ANKHD1: variants seen among roughly 807,000 people sequenced by gnomAD.
ANKHD1 encodes the protein ankyrin repeat and KH domain-containing protein 1.
Under a neutral mutation model 230.5 loss-of-function variants are expected in ANKHD1, and 31 were observed. The observed-to-expected ratio is 0.13, with a 90% CI of 0.10 to 0.18. The LOEUF (loss-of-function observed/expected upper bound fraction) is 0.18. ANKHD1 is among the 10% of genes least tolerant of loss of function. ANKHD1 has a pLI of 1.00. For synonymous variants in ANKHD1, 1,074 were observed against 1,117.6 expected, an observed-to-expected ratio of 0.96 and a Z score of 0.78; for missense variants, 2,256 against 3,071.3, an observed-to-expected ratio of 0.73 and a Z score of 6.27.
chr5:140,496,456 CTTTTCTTTTTTTTTTTTTTTTTT>C, intron 14 of ANKHD1, 41 bp from the exon 15 acceptor site: 2 of 875,154 alleles, frequency 2.3e-6, no homozygotes, highest in East Asian at 9.9e-5. Flanking sequence ...TTTTTTTTTT[CTTTTCTTTTTTTTTTTTTTTTTT>C]TTTAGCATGG....
At chr5:140,501,120 G>T (rs1375208489) in intron 15 of ANKHD1, among the ~76,000 whole-genome samples, 10 of 142,814 alleles carry the variant, frequency 7.0e-5, no homozygotes, top group Admixed American at 1.4e-4. Context: ...TTTTTGAGAC[G>T]GAGTCTCACA....
intron 25 of ANKHD1, among the ~76,000 whole-genome samples, chr5:140,525,463 A>G (rs1458805299): frequency 6.6e-6 from 1 of 152,104 alleles, no homozygotes; most frequent in African/African-American, 2.4e-5. Context: ...AGATTTCGCC[A>G]TGTTGCCCAG....
intron 10 of ANKHD1, among the ~76,000 whole-genome samples, chr5:140,478,788 GCA>G (rs1385948233): frequency 6.6e-6 from 1 of 150,566 alleles, no homozygotes; most frequent in Admixed American, 6.6e-5. Flanking sequence ...GGGATTACAG[GCA>G]TGCACCACCT....
intron 1 of ANKHD1, among the ~76,000 whole-genome samples, chr5:140,424,155 C>T (rs1416043344): frequency 1.3e-5 from 2 of 151,942 alleles, no homozygotes; most frequent in African/African-American, 4.8e-5. Flanking sequence ...CTCTTATATA[C>T]CCTGGTATAT....
In ANKHD1 at chr5:140,402,241, G is replaced by A. The variant is rs751723859; in HGVS notation, c.274G>A (p.Ala92Thr). The A allele has an allele frequency of 6.6e-7, 1 of 1,509,082 alleles. No individual in the cohort carries two copies. The highest frequency in any genetic ancestry group is 8.8e-7 in the Non-Finnish European group (1 of 1,134,658). 93.5% of individuals were successfully genotyped at this position (1,509,082 alleles called of 1,614,324 possible). Residue 92 changes from alanine (A) to threonine (T), a missense_variant, in exon 1 of 34, where the codon GCC becomes ACC. Physicochemically the swap from Ala to Thr is moderately conservative, Grantham distance 58 (BLOSUM62 0). Around this residue, in one of 13 missense-constraint regions of ANKHD1, gnomAD observed 193 missense variants for 185.8 expected, o/e 1.04. Coordinates refer to ENST00000360839, the MANE Select transcript of ANKHD1 (RefSeq NM_017747.3). ...AVLRTGGGGG[A>T]SGSDEDEVSE... The stretch of plus-strand genomic sequence containing the variant: ...GCTGAGGACCGGGGGTGGAGGTGGT[G>A]CCTCTGGCAGTGACGAGGACGAAGT...
chr5:140,401,875 G>A lies in ANKHD1; in HGVS notation c.-93G>A. ...GCTGCTGGGACGGGGGAAAGGAGACGCTTCTTCCTCTTGCTGCTCTTCTCG... is the reference window on the plus strand; with the variant it reads ...GCTGCTGGGACGGGGGAAAGGAGACACTTCTTCCTCTTGCTGCTCTTCTCG... On this transcript the variant is annotated 5_prime_UTR_variant, in exon 1 of 34. Coordinates refer to ENST00000360839, the MANE Select transcript of ANKHD1 (RefSeq NM_017747.3). 6.9e-7 allele frequency: 1 copy of A among 1,458,228 alleles called. No individual in the cohort carries two copies. The highest frequency in any genetic ancestry group is 1.5e-5 in the South Asian group (1 of 68,810). The allele number at this position is 1,458,228 out of a possible 1,614,324, so 90.3% of individuals were successfully genotyped here.
At chr5:140,510,306 ATTC>A in intron 22 of ANKHD1, 125 bp downstream of exon 22, 5 of 864,496 alleles carry the variant, frequency 5.8e-6, no homozygotes, top group Non-Finnish European at 7.6e-6. Flanking sequence ...CTATCTTTCC[ATTC>A]TTTTTTTTTT....
chr5:140,423,911 G>A (rs1478536778), intron 1 of ANKHD1, among the ~76,000 whole-genome samples: 3 of 152,096 alleles, frequency 2.0e-5, no homozygotes, highest in Non-Finnish European at 2.9e-5. Context: ...TTATTGTAAA[G>A]CACATTTGGC....
intron 15 of ANKHD1, among the ~76,000 whole-genome samples, chr5:140,503,005 C>T (rs910243568): frequency 2.0e-5 from 3 of 152,136 alleles, no homozygotes; most frequent in African/African-American, 7.2e-5. Context: ...AGAAATATAT[C>T]TGGGCATCTT....
intron 10 of ANKHD1, 86 bp downstream of exon 10, chr5:140,464,862 G>T: frequency 7.5e-7 from 1 of 1,327,448 alleles, no homozygotes; most frequent in Non-Finnish European, 1.0e-6. Flanking sequence ...AAGATCAATG[G>T]TTTGCGTACT....
At chr5:140,483,504 C>G (rs1751379269) in intron 11 of ANKHD1, among the ~76,000 whole-genome samples, 1 of 130,476 alleles carries the variant, frequency 7.7e-6, no homozygotes. Context: ...TTTACCTAGG[C>G]TGGAGTGCAA....
intron 29 of ANKHD1, among the ~76,000 whole-genome samples, chr5:140,533,466 G>A (rs1006437877): frequency 1.3e-5 from 2 of 152,170 alleles, no homozygotes; most frequent in Non-Finnish European, 1.5e-5. Flanking sequence ...AGGCGTGGTC[G>A]CAGGCACCTG....
chr5:140,428,982 C>T (rs1464735212), intron 1 of ANKHD1, among the ~76,000 whole-genome samples: 1 of 151,712 alleles, frequency 6.6e-6, no homozygotes, highest in Non-Finnish European at 1.5e-5. Context: ...GACAGGGTTT[C>T]ACCATGTTGG....
At chr5:140,459,049 C>G in intron 8 of ANKHD1, 115 bp from the exon 9 acceptor site, 1 of 673,486 alleles carries the variant, frequency 1.5e-6, no homozygotes, top group Non-Finnish European at 1.9e-6. Flanking sequence ...GATAAATTAC[C>G]CTGGAGGAAA....
chr5:140,533,775 C>CAA (rs1167136822), intron 29 of ANKHD1, among the ~76,000 whole-genome samples: 305 of 29,188 alleles, frequency 0.01, 5 homozygotes, highest in Middle Eastern at 0.044. Context: ...GACCCTGTCT[C>CAA]AAAAAAAAAA....
Position 140,485,985 on chromosome 5 carries a change from G to T in ANKHD1, c.2142+253G>T. 12 of 413,830 alleles carry T rather than the reference G, an allele frequency of 2.9e-5. No individual in the cohort carries two copies. The highest frequency in any genetic ancestry group is 1.3e-4 in the South Asian group (3 of 23,056). 25.6% of individuals were successfully genotyped at this position (413,830 alleles called of 1,614,324 possible). A position where few individuals can be genotyped will look rare whatever the true frequency, so the allele number is the denominator to read the frequency against. On this transcript the variant is annotated intron_variant, in intron 13 of 33. Coordinates refer to ENST00000360839, the MANE Select transcript of ANKHD1 (RefSeq NM_017747.3). This position sits in a 1 kb window ranked among gnomAD's most constrained non-coding sequence, Gnocchi z 4.8. ...AATATAAACGTAAGTATTCTAAGTTGTTATCTTATTACAACTAGGTTTTTC... is the reference window on the plus strand; with the variant it reads ...AATATAAACGTAAGTATTCTAAGTTTTTATCTTATTACAACTAGGTTTTTC...
rs1032215259 is a variant in ANKHD1 at position 140,506,020 on chromosome 5, A to G, written c.3408+151A>G. 4.6e-6 allele frequency: 6 copies of G among 1,304,734 alleles called. No homozygotes were observed. The African/African-American group carries it at 9.2e-5, about 20-fold the overall frequency. The allele number at this position is 1,304,734 out of a possible 1,614,324, so 80.8% of individuals were successfully genotyped here. A position where few individuals can be genotyped will look rare whatever the true frequency, so the allele number is the denominator to read the frequency against. The stretch of plus-strand genomic sequence containing the variant: ...GGTCTTGCTCTGTCTCCCAGGCTAG[A>G]GTACAGTGGTGCAATTACAGCTCGC... On this transcript the variant is annotated intron_variant, in intron 18 of 33. Transcript: ENST00000360839. This position sits in a 1 kb window ranked among gnomAD's most constrained non-coding sequence, Gnocchi z 4.7.
At chr5:140,437,695 G>C (rs1270360262) in intron 2 of ANKHD1, among the ~76,000 whole-genome samples, 1 of 152,200 alleles carries the variant, frequency 6.6e-6, no homozygotes, top group African/African-American at 2.4e-5. Flanking sequence ...GACAGAGCAA[G>C]ACTCCGTCTC....
At chr5:140,523,347 A>G (rs769264545) in intron 24 of ANKHD1, among the ~76,000 whole-genome samples, 15 of 152,008 alleles carry the variant, frequency 9.9e-5, no homozygotes, top group Admixed American at 1.3e-4. Context: ...GGCTCAAGCA[A>G]TCTTTCCTCC....
Sources: allele counts gnomAD v4.1 joint callset (sites outside exome capture counted in the v4.1 genomes callset), GRCh38; gene constraint gnomAD v4.1.1; regional missense constraint gnomAD v4.1.1; non-coding constraint Gnocchi (gnomAD v3.1); transcripts MANE v1.5; gene names NCBI Gene and HGNC (gene_info 2026-07-23, HGNC 2026-07-21).